CTNND2: variants seen among roughly 807,000 people sequenced by gnomAD.
CTNND2 encodes the protein catenin delta 2.
Under a neutral mutation model 144.4 loss-of-function variants are expected in CTNND2, and 22 were observed. The observed-to-expected ratio is 0.15, with a 90% CI of 0.11 to 0.22. The LOEUF (loss-of-function observed/expected upper bound fraction) is 0.22, where lower values mean the gene tolerates loss of function less well. Ranked by LOEUF, CTNND2 falls within the 10% of genes least tolerant of loss-of-function variation. The probability of loss-of-function intolerance (pLI) is 1.00; values close to 1 mark genes in which losing one functional copy is unlikely to be tolerated. For missense variants in CTNND2, 1,353 were observed against 1,618.8 expected (o/e 0.84, Z 2.82); for synonymous variants, 751 against 695.6 (o/e 1.08, Z -1.25).
Position 11,859,383 on chromosome 5 carries a change from T to C in CTNND2, c.37+44434A>G, listed in dbSNP as rs539521763. Among the ~76,000 whole-genome samples, 3 of 152,268 alleles carry C rather than the reference T, an allele frequency of 2.0e-5. No individual in the cohort carries two copies. The South Asian group carries it at 6.2e-4, about 32-fold the overall frequency. On this transcript the variant is annotated intron_variant, in intron 1 of 21. Coordinates refer to ENST00000304623, the MANE Select transcript of CTNND2 (RefSeq NM_001332.4). ...GAAGAACAAAACAAAATACAGTAAA[T>C]GACAACGAAAATAGAAATTAAAGTA...
intron 12 of CTNND2, among the ~76,000 whole-genome samples, chr5:11,123,393 G>T (rs1943984528): frequency 6.6e-6 from 1 of 152,186 alleles, no homozygotes. Flanking sequence ...GAATATTTTT[G>T]GTTGTCACCG....
chr5:11,603,120 A>G (rs938490485), intron 2 of CTNND2, among the ~76,000 whole-genome samples: 6 of 152,282 alleles, frequency 3.9e-5, no homozygotes, highest in African/African-American at 1.4e-4. Context: ...AACAGTAACA[A>G]TCACAACAAA....
chr5:11,512,941 C>T (rs868515856), intron 3 of CTNND2, among the ~76,000 whole-genome samples: 7 of 152,238 alleles, frequency 4.6e-5, no homozygotes, highest in African/African-American at 1.7e-4. Flanking sequence ...ACAAATCTCA[C>T]GTCCTTCCTT....
At chr5:11,094,746 G>T (rs1245612895) in intron 15 of CTNND2, among the ~76,000 whole-genome samples, 5 of 152,182 alleles carry the variant, frequency 3.3e-5, no homozygotes, top group Non-Finnish European at 7.3e-5. Context: ...TTACAGGCGT[G>T]AGCCACAACA....
chr5:11,076,193 T>C (rs1748931244), intron 16 of CTNND2, among the ~76,000 whole-genome samples: 1 of 152,104 alleles, frequency 6.6e-6, no homozygotes, highest in Non-Finnish European at 1.5e-5. Flanking sequence ...TCTTATCAAA[T>C]AGGTGCTGCC....
intron 9 of CTNND2, among the ~76,000 whole-genome samples, chr5:11,311,015 C>G (rs1464989691): frequency 7.0e-6 from 1 of 142,238 alleles, no homozygotes; most frequent in Non-Finnish European, 1.5e-5. Context: ...ACCCCACACA[C>G]ACAATACACT....
chr5:11,158,359 AG>A (rs1318201127), intron 12 of CTNND2, among the ~76,000 whole-genome samples: 1 of 152,208 alleles, frequency 6.6e-6, no homozygotes, highest in Non-Finnish European at 1.5e-5. Context: ...ACAGAATTTA[AG>A]GGGTTATGAA....
chr5:11,272,446 A>C (rs1163068824), intron 9 of CTNND2, among the ~76,000 whole-genome samples: 2 of 152,196 alleles, frequency 1.3e-5, no homozygotes. Flanking sequence ...TTGAATCAAG[A>C]CCCACAATAA....
At chr5:11,695,571 C>A (rs1016328655) in intron 2 of CTNND2, among the ~76,000 whole-genome samples, 5 of 152,144 alleles carry the variant, frequency 3.3e-5, no homozygotes, top group Admixed American at 6.5e-5. Context: ...TAATGCTTTT[C>A]TATTTCTTGA....
At chr5:11,830,440 T>A (rs1275847309) in intron 1 of CTNND2, among the ~76,000 whole-genome samples, 2 of 152,166 alleles carry the variant, frequency 1.3e-5, no homozygotes, top group African/African-American at 4.8e-5. Flanking sequence ...GGACAGTTAA[T>A]AAGTCTCATG....
intron 1 of CTNND2, among the ~76,000 whole-genome samples, chr5:11,892,357 C>A (rs1737040849): frequency 6.6e-6 from 1 of 152,122 alleles, no homozygotes; most frequent in Non-Finnish European, 1.5e-5. Flanking sequence ...CTCCAAATGA[C>A]CATAAATATC....
At chr5:11,262,383 G>A (rs1744952142) in intron 9 of CTNND2, among the ~76,000 whole-genome samples, 1 of 152,142 alleles carries the variant, frequency 6.6e-6, no homozygotes, top group Non-Finnish European at 1.5e-5. Context: ...ATTGTTCTGA[G>A]ATACCTGGTG....
intron 9 of CTNND2, among the ~76,000 whole-genome samples, chr5:11,311,855 CCA>C (rs1253103285): frequency 2.3e-5 from 3 of 131,644 alleles, no homozygotes; most frequent in Non-Finnish European, 5.0e-5. Flanking sequence ...CACCCTCACC[CCA>C]CACACTCCCC....
chr5:11,070,971 G>A (rs550477630), intron 16 of CTNND2, among the ~76,000 whole-genome samples: 1 of 151,890 alleles, frequency 6.6e-6, no homozygotes, highest in South Asian at 2.1e-4. Flanking sequence ...TAGGGGAGGG[G>A]AGGGAGGAGG....
intron 2 of CTNND2, among the ~76,000 whole-genome samples, chr5:11,577,180 A>G (rs182081167): frequency 1.9e-4 from 29 of 152,326 alleles, no homozygotes; most frequent in Non-Finnish European, 3.2e-4. Context: ...CTGGTATATT[A>G]TCACATATTA....
chr5:11,037,807 CAGAT>C (rs1441779005), intron 16 of CTNND2, among the ~76,000 whole-genome samples: 1 of 152,032 alleles, frequency 6.6e-6, no homozygotes, highest in African/African-American at 2.4e-5. Context: ...AATTTTAAAA[CAGAT>C]GATGATAATA....
At position 11,507,992 on chromosome 5, in the gene CTNND2, T is replaced by G. The variant is rs935976842; in HGVS notation, c.287+56952A>C. On this transcript the variant is annotated intron_variant, in intron 3 of 21. Coordinates refer to ENST00000304623, the MANE Select transcript of CTNND2 (RefSeq NM_001332.4). ...TTGGACATACAAAGAAATGGATTTT[T>G]TTTTTTTTTGGTCGGCATTAGCTGC... Among the ~76,000 whole-genome samples the G allele has an allele frequency of 5.5e-4, 83 of 152,244 alleles. No homozygotes were observed. In the South Asian group the frequency reaches 0.013, roughly 24 times the overall value.
chr5:11,264,282 G>T (rs930655670), intron 9 of CTNND2, among the ~76,000 whole-genome samples: 1 of 152,142 alleles, frequency 6.6e-6, no homozygotes, highest in South Asian at 2.1e-4. Flanking sequence ...TTGGAAACAG[G>T]GTCTTTGCAG....
At chr5:11,323,746 G>A (rs1752274044) in intron 9 of CTNND2, among the ~76,000 whole-genome samples, 1 of 152,166 alleles carries the variant, frequency 6.6e-6, no homozygotes, top group Admixed American at 6.5e-5. Flanking sequence ...AATTACATTT[G>A]CACCAACCTA....
Sources: allele counts gnomAD v4.1 joint callset (sites outside exome capture counted in the v4.1 genomes callset), GRCh38; gene constraint gnomAD v4.1.1; transcripts MANE v1.5; gene names NCBI Gene and HGNC (gene_info 2026-07-23, HGNC 2026-07-21).